The following FEM1B variants were observed in gnomAD, a reference collection of about 807,000 sequenced individuals.
The protein encoded by FEM1B is protein fem-1 homolog B.
FEM1B carries 10 observed loss-of-function variants against 38.6 expected under a neutral mutation model. The observed-to-expected ratio is 0.26, with a 90% CI of 0.16 to 0.44. The LOEUF (loss-of-function observed/expected upper bound fraction) is 0.44, where lower values mean the gene tolerates loss of function less well. Ranked by LOEUF, FEM1B falls within the 20% of genes least tolerant of loss-of-function variation. The pLI is 1.00. For synonymous variants in FEM1B, 288 were observed against 288.0 expected (o/e 1.00, Z 0.00); for missense variants, 471 against 786.7 (o/e 0.60, Z 4.80).
chr15:68,292,388 G>A lies in FEM1B; in HGVS notation c.*1146G>A, dbSNP rs1210742048. 5.9e-5 allele frequency: 9 copies of A among 152,258 alleles called. No homozygotes were observed. The highest frequency in any genetic ancestry group is 2.2e-4 in the African/African-American group (9 of 41,568). The allele number at this position is 152,258 out of a possible 1,614,324, so 9.4% of individuals were successfully genotyped here. On this transcript the variant is annotated 3_prime_UTR_variant, in exon 2 of 2. Coordinates refer to ENST00000306917, the MANE Select transcript of FEM1B (RefSeq NM_015322.5). ...CCACAAAATGTCACTTATTCCTACA[G>A]GCTATACAGAGGTCTTTATGGTTTT...
chr15:68,281,624 C>CTT lies in FEM1B; in HGVS notation c.248+2969_248+2970dup, dbSNP rs113550016. 2.2e-4 allele frequency among the ~76,000 whole-genome samples: 32 copies of CTT among 148,474 alleles called. No homozygotes were observed. The East Asian group carries it at 4.1e-3, about 19-fold the overall frequency. ...CCATTGATATTTGAGTTCTTGTTCA[C>CTT]TTTTTTTTTTTGAGACGGAGTCTCG... is the stretch of plus-strand genomic sequence containing the variant. On this transcript the variant is annotated intron_variant, in intron 1 of 1. Coordinates refer to ENST00000306917, the MANE Select transcript of FEM1B (RefSeq NM_015322.5). The surrounding 1 kb of genome is among the most constrained non-coding windows in gnomAD (Gnocchi z 5.1).
At position 68,294,549 on chromosome 15, in the gene FEM1B, TATGA is replaced by T. The variant is rs951464490; in HGVS notation, c.*3310_*3313del. The stretch of plus-strand genomic sequence containing the variant: ...TTCACTATAGTTGAGGCAGCTACTT[TATGA>T]ATAAGACCACTTTGGGTTATTTAAG... On this transcript the variant is annotated 3_prime_UTR_variant, in exon 2 of 2. Coordinates refer to ENST00000306917, the MANE Select transcript of FEM1B (RefSeq NM_015322.5). This position sits in a 1 kb window ranked among gnomAD's most constrained non-coding sequence, Gnocchi z 4.4. 6.6e-6 allele frequency: 1 copy of T among 152,144 alleles called. No homozygotes were observed. Among genetic ancestry groups the T allele is most frequent in the African/African-American group, 2.4e-5 (1 of 41,434 alleles). 9.4% of individuals were successfully genotyped at this position (152,144 alleles called of 1,614,324 possible).
rs1390494980 is a variant in FEM1B at position 68,294,510 on chromosome 15, C to T, written c.*3268C>T. ...AAATTAAAATTTCAAGTGAGCAACA[C>T]CCTGTTAAGAGTTTTCACTATAGTT... is the stretch of plus-strand genomic sequence containing the variant. On this transcript the variant is annotated 3_prime_UTR_variant, in exon 2 of 2. Transcript: ENST00000306917. This position sits in a 1 kb window ranked among gnomAD's most constrained non-coding sequence, Gnocchi z 4.4. The T allele has an allele frequency of 6.6e-6, 1 of 152,064 alleles. No individual in the cohort carries two copies. The highest frequency in any genetic ancestry group is 1.5e-5 in the Non-Finnish European group (1 of 68,006). The allele number at this position is 152,064 out of a possible 1,614,324, so 9.4% of individuals were successfully genotyped here.
rs1223306073 is a variant in FEM1B, at chr15:68,288,018, TG to T, written c.249-1585del. ...CTAATTTCTGTATTTTTGGTAGAGA[TG>T]GGGTTTCACCATGTTGGCCAGGCTC... On this transcript the variant is annotated intron_variant, in intron 1 of 1. Coordinates refer to ENST00000306917, the MANE Select transcript of FEM1B (RefSeq NM_015322.5). This position sits in a 1 kb window ranked among gnomAD's most constrained non-coding sequence, Gnocchi z 4.6. Among the ~76,000 whole-genome samples, 1 of 151,984 alleles carries T rather than the reference TG, an allele frequency of 6.6e-6. No individual in the cohort carries two copies. The highest frequency in any genetic ancestry group is 2.4e-5 in the African/African-American group (1 of 41,364).
At position 68,293,701 on chromosome 15, in the gene FEM1B, A is replaced by G. The variant is rs1892871626; in HGVS notation, c.*2459A>G. 6.6e-6 allele frequency: 1 copy of G among 152,206 alleles called. No individual in the cohort carries two copies. The highest frequency in any genetic ancestry group is 6.5e-5 in the Admixed American group (1 of 15,282). 9.4% of individuals were successfully genotyped at this position (152,206 alleles called of 1,614,324 possible). On this transcript the variant is annotated 3_prime_UTR_variant, in exon 2 of 2. Transcript: ENST00000306917. The surrounding 1 kb of genome is among the most constrained non-coding windows in gnomAD (Gnocchi z 5.8). ...CAAATGTGTATTGTGAAACACCTGT[A>G]TAAAATCATTTTTGAAATAAGTGAT...
In FEM1B at chr15:68,289,382, T is replaced by C. The variant is rs1892823026; in HGVS notation, c.249-225T>C. 4 of 515,800 alleles carry C rather than the reference T, an allele frequency of 7.8e-6. No individual in the cohort carries two copies. In the Admixed American group the frequency reaches 1.1e-4, roughly 14 times the overall value. 32.0% of individuals were successfully genotyped at this position (515,800 alleles called of 1,614,324 possible). The stretch of plus-strand genomic sequence containing the variant: ...TTCAGGTTTGTTTTTTAGGGTTATA[T>C]ACTCTAGTAGTAACAGTAATAGCTA... On this transcript the variant is annotated intron_variant, in intron 1 of 1. Transcript: ENST00000306917. The surrounding 1 kb of genome is among the most constrained non-coding windows in gnomAD (Gnocchi z 6.9).
chr15:68,287,546 G>A (rs1230563382), intron 1 of FEM1B, among the ~76,000 whole-genome samples: 3 of 152,218 alleles, frequency 2.0e-5, no homozygotes, highest in Non-Finnish European at 4.4e-5. Context: ...AGTATTTTCA[G>A]TAGAAGTGAT....
In FEM1B at chr15:68,278,331, G is replaced by T. The variant is rs368483635; in HGVS notation, c.-87G>T. ...TGTTGAATGGGCTGTGAGGGCCCAG[G>T]TTTAAAGCGCTGGCGAACGCGGCCT... On this transcript the variant is annotated 5_prime_UTR_variant, in exon 1 of 2. Transcript: ENST00000306917. This position sits in a 1 kb window ranked among gnomAD's most constrained non-coding sequence, Gnocchi z 5.7. The T allele has an allele frequency of 6.6e-7, 1 of 1,504,870 alleles. No individual in the cohort carries two copies. Among genetic ancestry groups the T allele is most frequent in the Admixed American group, 2.1e-5 (1 of 47,542 alleles). 93.2% of individuals were successfully genotyped at this position (1,504,870 alleles called of 1,614,324 possible).
In FEM1B at chr15:68,280,365, A is replaced by G. The variant is rs1449323233; in HGVS notation, c.248+1700A>G. 1 of 152,190 alleles carries G rather than the reference A, an allele frequency of 6.6e-6. No individual in the cohort carries two copies. The highest frequency in any genetic ancestry group is 1.9e-4 in the East Asian group (1 of 5,194). 9.4% of individuals were successfully genotyped at this position (152,190 alleles called of 1,614,324 possible). A position where few individuals can be genotyped will look rare whatever the true frequency, so the allele number is the denominator to read the frequency against. On this transcript the variant is annotated intron_variant, in intron 1 of 1. Transcript: ENST00000306917. This position sits in a 1 kb window ranked among gnomAD's most constrained non-coding sequence, Gnocchi z 4.2. ...TGTGGTAGGGATTGGATATGCAGAG[A>G]TGAATAACATACTCTTTTGTCTTGG...
At position 68,281,987 on chromosome 15, in the gene FEM1B, A is replaced by G. The variant is rs375126766; in HGVS notation, c.248+3322A>G. Among the ~76,000 whole-genome samples, 7 of 152,164 alleles carry G rather than the reference A, an allele frequency of 4.6e-5. No individual in the cohort carries two copies. The highest frequency in any genetic ancestry group is 1.0e-4 in the Non-Finnish European group (7 of 68,024). On this transcript the variant is annotated intron_variant, in intron 1 of 1. Coordinates refer to ENST00000306917, the MANE Select transcript of FEM1B (RefSeq NM_015322.5). This position sits in a 1 kb window ranked among gnomAD's most constrained non-coding sequence, Gnocchi z 5.1. ...CGTGACATGTGAATACCATGTTGAT[A>G]TAGATGAGTGGACAAGAAGAAAAGT...
chr15:68,288,263 C>G lies in FEM1B; in HGVS notation c.249-1344C>G, dbSNP rs1209555286. ...ACCTGAATTTTGGTGGGAACACATTCAAACTATAGCACCAGGAGCATTATT... is the reference window on the plus strand; with the variant it reads ...ACCTGAATTTTGGTGGGAACACATTGAAACTATAGCACCAGGAGCATTATT... On this transcript the variant is annotated intron_variant, in intron 1 of 1. Coordinates refer to ENST00000306917, the MANE Select transcript of FEM1B (RefSeq NM_015322.5). The surrounding 1 kb of genome is among the most constrained non-coding windows in gnomAD (Gnocchi z 4.6). Among the ~76,000 whole-genome samples the G allele has an allele frequency of 6.6e-6, 1 of 152,224 alleles. No homozygotes were observed. Among genetic ancestry groups the G allele is most frequent in the East Asian group, 1.9e-4 (1 of 5,198 alleles).
chr15:68,288,478 C>A lies in FEM1B; in HGVS notation c.249-1129C>A, dbSNP rs893742847. 3.3e-5 allele frequency among the ~76,000 whole-genome samples: 5 copies of A among 152,154 alleles called. No individual in the cohort carries two copies. The highest frequency in any genetic ancestry group is 1.3e-4 in the Admixed American group (2 of 15,278). On this transcript the variant is annotated intron_variant, in intron 1 of 1. Coordinates refer to ENST00000306917, the MANE Select transcript of FEM1B (RefSeq NM_015322.5). This position sits in a 1 kb window ranked among gnomAD's most constrained non-coding sequence, Gnocchi z 4.6. The stretch of plus-strand genomic sequence containing the variant: ...ACAGTAGACTGTCTCCAGCAAAAAT[C>A]TACTTATCAGGTCTTTTGGTTAGTG...
In FEM1B at chr15:68,281,584, C is replaced by A. The variant is rs1190557844; in HGVS notation, c.248+2919C>A. Among the ~76,000 whole-genome samples, 2 of 152,146 alleles carry A rather than the reference C, an allele frequency of 1.3e-5. No homozygotes were observed. Among genetic ancestry groups the A allele is most frequent in the African/African-American group, 4.8e-5 (2 of 41,420 alleles). ...TAGAGCCTCGAGGGGAAAGGGACCA[C>A]CCACCTAGATTAAGCCATTGATATT... On this transcript the variant is annotated intron_variant, in intron 1 of 1. Coordinates refer to ENST00000306917, the MANE Select transcript of FEM1B (RefSeq NM_015322.5). This position sits in a 1 kb window ranked among gnomAD's most constrained non-coding sequence, Gnocchi z 5.1.
Position 68,290,745 on chromosome 15 carries a change from G to A in FEM1B, c.1387G>A (p.Asp463Asn), listed in dbSNP as rs1892839193. Residue 463 changes from aspartate (D) to asparagine (N), a missense_variant, in exon 2 of 2, where the codon GAT becomes AAT. Asp to Asn is a conservative substitution (Grantham distance 23, BLOSUM62 1). Coordinates refer to ENST00000306917, the MANE Select transcript of FEM1B (RefSeq NM_015322.5). The surrounding 1 kb of genome is among the most constrained non-coding windows in gnomAD (Gnocchi z 9.7). ...TACCAAAACACAGTGCAGCGAAGAA[G>A]ATCAGTGCAAAATTAACAAGCAGAT... ...ISTKTQCSEE[D>N]QCKINKQIYN... 1 of 1,613,904 alleles carries A rather than the reference G, an allele frequency of 6.2e-7. No homozygotes were observed. The highest frequency in any genetic ancestry group is 2.2e-5 in the East Asian group (1 of 44,870).
At position 68,291,317 on chromosome 15, in the gene FEM1B, G is replaced by A; in HGVS notation, c.*75G>A. 1 of 1,148,454 alleles carries A rather than the reference G, an allele frequency of 8.7e-7. No homozygotes were observed. The highest frequency in any genetic ancestry group is 1.6e-5 in the South Asian group (1 of 64,000). The allele number at this position is 1,148,454 out of a possible 1,614,324, so 71.1% of individuals were successfully genotyped here. ...TTTTAATCACAGACAGTAGAATTAT[G>A]TGTTCATAAATTCTGCTTTTCTTTC... On this transcript the variant is annotated 3_prime_UTR_variant, in exon 2 of 2. Coordinates refer to ENST00000306917, the MANE Select transcript of FEM1B (RefSeq NM_015322.5). This position sits in a 1 kb window ranked among gnomAD's most constrained non-coding sequence, Gnocchi z 6.9.
chr15:68,278,296 G>A lies in FEM1B; in HGVS notation c.-122G>A. The A allele has an allele frequency of 7.5e-7, 1 of 1,333,136 alleles. No homozygotes were observed. Among genetic ancestry groups the A allele is most frequent in the East Asian group, 2.5e-5 (1 of 39,422 alleles). The allele number at this position is 1,333,136 out of a possible 1,614,324, so 82.6% of individuals were successfully genotyped here. On this transcript the variant is annotated 5_prime_UTR_variant, in exon 1 of 2. Coordinates refer to ENST00000306917, the MANE Select transcript of FEM1B (RefSeq NM_015322.5). This position sits in a 1 kb window ranked among gnomAD's most constrained non-coding sequence, Gnocchi z 5.7. The stretch of plus-strand genomic sequence containing the variant: ...ACTGCTGCCTGGGCGCGGCGGCGGC[G>A]ACGGCGCCCTGTTGAATGGGCTGTG...
chr15:68,292,448 A>AAAC lies in FEM1B; in HGVS notation c.*1207_*1209dup, dbSNP rs1473792183. The AAAC allele has an allele frequency of 1.3e-5, 2 of 152,134 alleles. No homozygotes were observed. The highest frequency in any genetic ancestry group is 2.9e-5 in the Non-Finnish European group (2 of 67,986). 9.4% of individuals were successfully genotyped at this position (152,134 alleles called of 1,614,324 possible). On this transcript the variant is annotated 3_prime_UTR_variant, in exon 2 of 2. Transcript: ENST00000306917. ...TTTTAATGGCAACATTGTAACTGTC[A>AAAC]AACTAAAAGGGTATTCTGTGATTAT...
chr15:68,285,470 T>G (rs1892775001), intron 1 of FEM1B, among the ~76,000 whole-genome samples: 1 of 152,246 alleles, frequency 6.6e-6, no homozygotes, highest in African/African-American at 2.4e-5. Context: ...CAAATTACAT[T>G]CCTACTTGCA....
Position 68,284,006 on chromosome 15 carries a change from C to CT in FEM1B, c.248+5342dup, listed in dbSNP as rs900858354. ...GTTCAAGCAATTCTTCTGCCTCAGC[C>CT]TCCCGAGTAGCTGGGATTACAGACA... On this transcript the variant is annotated intron_variant, in intron 1 of 1. Transcript: ENST00000306917. The surrounding 1 kb of genome is among the most constrained non-coding windows in gnomAD (Gnocchi z 4.4). Among the ~76,000 whole-genome samples, 8 of 151,968 alleles carry CT rather than the reference C, an allele frequency of 5.3e-5. No individual in the cohort carries two copies. The highest frequency in any genetic ancestry group is 1.5e-4 in the African/African-American group (6 of 41,364).
Sources: allele counts gnomAD v4.1 joint callset (sites outside exome capture counted in the v4.1 genomes callset), GRCh38; gene constraint gnomAD v4.1.1; non-coding constraint Gnocchi (gnomAD v3.1); transcripts MANE v1.5; gene names NCBI Gene and HGNC (gene_info 2026-07-23, HGNC 2026-07-21).